Variants in COL25A1 observed in about 807,000 individuals in gnomAD.
COL25A1 encodes collagen type XXV alpha 1 chain, also known as collagen alpha-1(XXV) chain.
COL25A1 carries 103 observed loss-of-function variants against 128.4 expected under a neutral mutation model. The ratio of observed to expected loss-of-function variants is 0.80; its 90% confidence interval spans 0.68 to 0.94. The LOEUF (loss-of-function observed/expected upper bound fraction) is 0.94. Ranked by LOEUF, COL25A1 falls within the 40% of genes least tolerant of loss-of-function variation. The pLI, the probability that COL25A1 is intolerant of heterozygous loss-of-function variation, is 0.00. For synonymous variants in COL25A1, 279 were observed against 277.2 expected, an observed-to-expected ratio of 1.01 and a Z score of -0.06; for missense variants, 745 against 840.0, an observed-to-expected ratio of 0.89 and a Z score of 1.40.
chr4:109,088,274 G>C (rs758802256), intron 3 of COL25A1, among the ~76,000 whole-genome samples: 6 of 152,078 alleles, frequency 3.9e-5, no homozygotes, highest in Non-Finnish European at 8.8e-5. Flanking sequence ...TGAAAAATTA[G>C]AGTAATTATG....
chr4:109,246,607 C>T (rs947732171), intron 3 of COL25A1, among the ~76,000 whole-genome samples: 2 of 151,968 alleles, frequency 1.3e-5, no homozygotes, highest in African/African-American at 2.4e-5. Context: ...TTCAACAAAT[C>T]TTAAAATTTT....
intron 8 of COL25A1, among the ~76,000 whole-genome samples, chr4:108,973,838 A>G (rs551455122): frequency 6.6e-6 from 1 of 152,240 alleles, no homozygotes; most frequent in Non-Finnish European, 1.5e-5. Context: ...CCTACCTGCA[A>G]TGCTAAATTG....
At chr4:109,188,071 T>A (rs2126156346) in intron 3 of COL25A1, among the ~76,000 whole-genome samples, 1 of 152,246 alleles carries the variant, frequency 6.6e-6, no homozygotes, top group Admixed American at 6.5e-5. Context: ...ACAAGGCCAA[T>A]GAAACTAATC....
At chr4:109,291,720 A>C (rs1724491873) in intron 3 of COL25A1, among the ~76,000 whole-genome samples, 1 of 152,094 alleles carries the variant, frequency 6.6e-6, no homozygotes, top group Non-Finnish European at 1.5e-5. Flanking sequence ...AATTTGAAGA[A>C]ACACAGAAAA....
chr4:109,136,958 GC>G (rs1232999789), intron 3 of COL25A1, among the ~76,000 whole-genome samples: 1 of 152,206 alleles, frequency 6.6e-6, no homozygotes, highest in African/African-American at 2.4e-5. Flanking sequence ...ACATGAGTAA[GC>G]TTCGAAGCAG....
chr4:109,198,695 G>A (rs1325980499), intron 3 of COL25A1, among the ~76,000 whole-genome samples: 1 of 152,186 alleles, frequency 6.6e-6, no homozygotes, highest in African/African-American at 2.4e-5. Context: ...CAGCTGTGAT[G>A]AGAAAAATAT....
intron 3 of COL25A1, among the ~76,000 whole-genome samples, chr4:109,070,913 A>G (rs1390644453): frequency 1.3e-5 from 2 of 151,810 alleles, no homozygotes; most frequent in East Asian, 1.9e-4. Context: ...TATGTGCCAC[A>G]TTTTCTTAAT....
At chr4:109,118,546 C>A (rs764332577) in intron 3 of COL25A1, among the ~76,000 whole-genome samples, 4 of 151,716 alleles carry the variant, frequency 2.6e-5, no homozygotes, top group African/African-American at 9.7e-5. Context: ...AGATGTACCA[C>A]GGGAACACTA....
At chr4:108,961,725 T>G (rs1413385604) in intron 8 of COL25A1, among the ~76,000 whole-genome samples, 2 of 152,134 alleles carry the variant, frequency 1.3e-5, no homozygotes, top group Non-Finnish European at 2.9e-5. Context: ...GAATTTCCCT[T>G]TAGCAGTCCC....
rs534695715 is a variant in COL25A1 at position 108,974,668 on chromosome 4, T to A, written c.439-109A>T. On this transcript the variant is annotated intron_variant, in intron 6 of 37. Transcript: ENST00000399132. Reference sequence around the variant, plus strand: ...CATTCAAAGAATACAGAGATAGCTGTCAATGAGGTTTCTCAAGAAATTTTG... The same window carrying A: ...CATTCAAAGAATACAGAGATAGCTGACAATGAGGTTTCTCAAGAAATTTTG... 1.4e-5 allele frequency: 12 copies of A among 883,550 alleles called. No individual in the cohort carries two copies. In the East Asian group the frequency reaches 3.2e-4, roughly 24 times the overall value. 54.7% of individuals were successfully genotyped at this position (883,550 alleles called of 1,614,324 possible). A position where few individuals can be genotyped will look rare whatever the true frequency, so the allele number is the denominator to read the frequency against.
At chr4:109,258,137 TG>T (rs1227171556) in intron 3 of COL25A1, among the ~76,000 whole-genome samples, 1 of 152,178 alleles carries the variant, frequency 6.6e-6, no homozygotes, top group African/African-American at 2.4e-5. Flanking sequence ...ATTTCACAGC[TG>T]AACAAATGTA....
At chr4:108,926,817 T>C (rs1254048399) in intron 11 of COL25A1, among the ~76,000 whole-genome samples, 1 of 151,974 alleles carries the variant, frequency 6.6e-6, no homozygotes, top group South Asian at 2.1e-4. Context: ...CACTATTATA[T>C]GTACGTCTGG....
In COL25A1 at chr4:108,848,691, C is replaced by T. The variant is rs373170135; in HGVS notation, c.1434+68G>A. 240 of 1,191,978 alleles carry T rather than the reference C, an allele frequency of 2.0e-4. No homozygotes were observed. In the African/African-American group the frequency reaches 3.0e-3, roughly 15 times the overall value. 73.8% of individuals were successfully genotyped at this position (1,191,978 alleles called of 1,614,324 possible). On this transcript the variant is annotated intron_variant, in intron 27 of 37. Coordinates refer to ENST00000399132, the MANE Select transcript of COL25A1 (RefSeq NM_198721.4). ...ATCAATGCTCATGACATTTTGGCTT[C>T]AAACCTACAATAAAAGTAGTAATCA... is the stretch of plus-strand genomic sequence containing the variant.
At chr4:108,938,682 C>T (rs1747721524) in intron 10 of COL25A1, among the ~76,000 whole-genome samples, 1 of 152,146 alleles carries the variant, frequency 6.6e-6, no homozygotes, top group South Asian at 2.1e-4. Flanking sequence ...TGGTGAAACC[C>T]TGTCTCTACT....
intron 3 of COL25A1, among the ~76,000 whole-genome samples, chr4:109,300,268 A>G (rs1471562145): frequency 6.6e-6 from 1 of 152,116 alleles, no homozygotes; most frequent in African/African-American, 2.4e-5. Context: ...TTCACTGTAG[A>G]CATTAAGACA....
At chr4:109,294,873 A>G (rs541226631) in intron 3 of COL25A1, among the ~76,000 whole-genome samples, 1 of 152,154 alleles carries the variant, frequency 6.6e-6, no homozygotes, top group Admixed American at 6.5e-5. Context: ...TGATTCTGAC[A>G]TATTTCCCCA....
intron 8 of COL25A1, among the ~76,000 whole-genome samples, chr4:108,951,164 C>T (rs1322123658): frequency 6.6e-6 from 1 of 151,978 alleles, no homozygotes; most frequent in African/African-American, 2.4e-5. Context: ...TGATAGGGCA[C>T]AGATGTGGGA....
chr4:108,965,824 T>G (rs1751232242), intron 8 of COL25A1, among the ~76,000 whole-genome samples: 1 of 152,184 alleles, frequency 6.6e-6, no homozygotes, highest in Non-Finnish European at 1.5e-5. Flanking sequence ...GAAGTTCATT[T>G]TTTTGCAAAG....
At chr4:109,150,653 AT>A (rs1771410231) in intron 3 of COL25A1, among the ~76,000 whole-genome samples, 1 of 152,166 alleles carries the variant, frequency 6.6e-6, no homozygotes, top group Admixed American at 6.5e-5. Context: ...AACTTTTTCT[AT>A]GAGAATTAAA....
Sources: gnomAD v4.1 joint callset for allele counts (sites outside exome capture counted in the v4.1 genomes callset) on GRCh38, gnomAD v4.1.1 for gene constraint, MANE v1.5 for transcripts, NCBI Gene and HGNC (gene_info 2026-07-23, HGNC 2026-07-21) for gene names.